The following LINGO2 variants were observed in gnomAD, a reference collection of about 807,000 sequenced individuals.
The protein encoded by LINGO2 is leucine-rich repeat and immunoglobulin-like domain-containing nogo receptor-interacting protein 2.
A neutral mutation model predicts 30.6 loss-of-function variants in LINGO2; 14 were observed. That is an observed-to-expected ratio of 0.46 (90% CI 0.30 to 0.72). The LOEUF (loss-of-function observed/expected upper bound fraction) is 0.72. Ranked by LOEUF, LINGO2 falls within the 30% of genes least tolerant of loss-of-function variation. The probability of loss-of-function intolerance (pLI) is 0.07; values close to 1 mark genes in which losing one functional copy is unlikely to be tolerated. For synonymous variants in LINGO2, 317 were observed against 288.5 expected (o/e 1.10, Z -1.00); for missense variants, 729 against 751.7 (o/e 0.97, Z 0.35).
the LINGO2 span, among the ~76,000 whole-genome samples, chr9:28,902,541 C>T: frequency 2.0e-5 from 3 of 152,064 alleles, no homozygotes; most frequent in Non-Finnish European, 2.9e-5. Context: ...ATGAATCTAA[C>T]AGGTGTATAG....
chr9:28,418,377 C>A (rs796505054), intron 2 of LINGO2, among the ~76,000 whole-genome samples: 5 of 145,872 alleles, frequency 3.4e-5, no homozygotes, highest in African/African-American at 1.3e-4. Flanking sequence ...CTCCCATGTT[C>A]AAGACATTCT....
chr9:28,194,663 A>G (rs1819946652), intron 4 of LINGO2, among the ~76,000 whole-genome samples: 1 of 151,912 alleles, frequency 6.6e-6, no homozygotes. Flanking sequence ...TTAGAAATGT[A>G]TGGAAAACAA....
chr9:28,799,120 G>A, the LINGO2 span, among the ~76,000 whole-genome samples: 2 of 152,018 alleles, frequency 1.3e-5, no homozygotes, highest in African/African-American at 2.4e-5. Context: ...AAGACACTAA[G>A]AGACCAGGCT....
the LINGO2 span, among the ~76,000 whole-genome samples, chr9:29,012,641 T>C: frequency 6.6e-6 from 1 of 152,268 alleles, no homozygotes; most frequent in South Asian, 2.1e-4. Context: ...AGGACATAAT[T>C]AATAGCTTCC....
chr9:29,030,158 T>C, the LINGO2 span, among the ~76,000 whole-genome samples: 1 of 152,120 alleles, frequency 6.6e-6, no homozygotes, highest in Admixed American at 6.6e-5. Flanking sequence ...AGTCTAAACA[T>C]ATATAATAAT....
At chr9:28,978,288 C>G in the LINGO2 span, among the ~76,000 whole-genome samples, 1 of 151,948 alleles carries the variant, frequency 6.6e-6, no homozygotes, top group East Asian at 1.9e-4. Context: ...TTTTCTTCTC[C>G]CTGGGGTGGA....
At chr9:29,182,233 G>A in the LINGO2 span, among the ~76,000 whole-genome samples, 2 of 152,082 alleles carry the variant, frequency 1.3e-5, no homozygotes, top group African/African-American at 4.8e-5. Flanking sequence ...CACAGGGAAC[G>A]TAACTTTTCA....
chr9:28,332,342 C>A (rs1282431332), intron 3 of LINGO2, among the ~76,000 whole-genome samples: 1 of 152,028 alleles, frequency 6.6e-6, no homozygotes, highest in Admixed American at 6.6e-5. Flanking sequence ...CCTAATAATC[C>A]AAGGCGCTAC....
intron 4 of LINGO2, among the ~76,000 whole-genome samples, chr9:28,288,791 A>AG (rs778582934): frequency 2.0e-4 from 31 of 152,224 alleles, no homozygotes; most frequent in Non-Finnish European, 3.7e-4. Flanking sequence ...GTGAAGAGTT[A>AG]CATAGGTGAG....
chr9:28,968,633 T>C, the LINGO2 span, among the ~76,000 whole-genome samples: 1 of 152,160 alleles, frequency 6.6e-6, no homozygotes, highest in Non-Finnish European at 1.5e-5. Context: ...GGTGTTCTTT[T>C]AACCTCTGTG....
At chr9:28,016,327 A>C (rs1822835344) in intron 4 of LINGO2, among the ~76,000 whole-genome samples, 4 of 152,140 alleles carry the variant, frequency 2.6e-5, no homozygotes, top group African/African-American at 9.7e-5. Context: ...CCAAATACTT[A>C]GGTCAGGCTA....
At chr9:28,315,309 G>A (rs1304799553) in intron 3 of LINGO2, among the ~76,000 whole-genome samples, 1 of 151,846 alleles carries the variant, frequency 6.6e-6, no homozygotes, top group African/African-American at 2.4e-5. Context: ...GGAGGCTGAG[G>A]CAGAGAATTT....
the LINGO2 span, among the ~76,000 whole-genome samples, chr9:29,037,229 G>A: frequency 6.6e-6 from 1 of 151,782 alleles, no homozygotes; most frequent in Admixed American, 6.6e-5. Context: ...TTAATGATGA[G>A]ACTCCTTAAT....
intron 4 of LINGO2, among the ~76,000 whole-genome samples, chr9:28,119,116 A>C (rs1827019644): frequency 6.6e-6 from 1 of 152,180 alleles, no homozygotes; most frequent in African/African-American, 2.4e-5. Flanking sequence ...CTATAATGGA[A>C]GTGCACAGTG....
At chr9:28,073,317 C>A (rs1178793381) in intron 4 of LINGO2, among the ~76,000 whole-genome samples, 1 of 152,148 alleles carries the variant, frequency 6.6e-6, no homozygotes, top group Non-Finnish European at 1.5e-5. Flanking sequence ...ATGAAAATAA[C>A]TAGCCTACAC....
At chr9:29,074,447 T>G in the LINGO2 span, among the ~76,000 whole-genome samples, 2 of 152,128 alleles carry the variant, frequency 1.3e-5, no homozygotes, top group Non-Finnish European at 2.9e-5. Flanking sequence ...CTGGCTCCTT[T>G]TCTGAATTCA....
At chr9:29,071,787 T>C in the LINGO2 span, among the ~76,000 whole-genome samples, 4 of 151,910 alleles carry the variant, frequency 2.6e-5, no homozygotes, top group African/African-American at 9.7e-5. Flanking sequence ...ACACATACCC[T>C]GAGTAGCAGA....
chr9:28,775,547 A>AT, the LINGO2 span, among the ~76,000 whole-genome samples: 1 of 152,192 alleles, frequency 6.6e-6, no homozygotes, highest in African/African-American at 2.4e-5. Flanking sequence ...GAAAGAATAC[A>AT]TATCTTTTTG....
chr9:28,629,380 A>C (rs75095620), intron 1 of LINGO2, among the ~76,000 whole-genome samples: 2,905 of 152,090 alleles, frequency 0.019, 62 homozygotes, highest in African/African-American at 0.039. Flanking sequence ...AAAGACTAGA[A>C]ATTCCTTTCT....
Sources: gnomAD v4.1 joint callset for allele counts (sites outside exome capture counted in the v4.1 genomes callset) on GRCh38, gnomAD v4.1.1 for gene constraint, MANE v1.5 for transcripts, NCBI Gene and HGNC (gene_info 2026-07-23, HGNC 2026-07-21) for gene names.